VTA1: variants seen among roughly 807,000 people sequenced by gnomAD.
VTA1 encodes the protein vacuolar protein sorting-associated protein VTA1 homolog.
Under a neutral mutation model 36.9 loss-of-function variants are expected in VTA1, and 24 were observed. The observed-to-expected ratio is 0.65, with a 90% CI of 0.47 to 0.91. The LOEUF is 0.91. Ranked by LOEUF, VTA1 falls within the 40% of genes least tolerant of loss-of-function variation. The pLI is 0.00. For synonymous variants in VTA1, 142 were observed against 130.2 expected, an observed-to-expected ratio of 1.09 and a Z score of -0.62; for missense variants, 393 against 377.2, an observed-to-expected ratio of 1.04 and a Z score of -0.35.
intron 4 of VTA1, among the ~76,000 whole-genome samples, chr6:142,181,156 C>T (rs1202227331): frequency 2.6e-5 from 3 of 114,010 alleles, no homozygotes; most frequent in Non-Finnish European, 5.2e-5. Context: ...TTTTTTGATA[C>T]GGAGTCTCGC....
At chr6:142,164,826 T>C (rs1371412722) in intron 1 of VTA1, among the ~76,000 whole-genome samples, 1 of 152,204 alleles carries the variant, frequency 6.6e-6, no homozygotes, top group Non-Finnish European at 1.5e-5. Context: ...CTTTCATTCA[T>C]GTGTTTGTCT....
intron 4 of VTA1, among the ~76,000 whole-genome samples, chr6:142,172,123 G>A (rs1276503550): frequency 6.6e-6 from 1 of 152,106 alleles, no homozygotes; most frequent in African/African-American, 2.4e-5. Flanking sequence ...TGATTCCCCT[G>A]CCTCAGCCTC....
rs556514304 is a variant in VTA1 at position 142,222,527 on chromosome 6, T to C, written c.*3884T>C. On this transcript the variant is annotated 3_prime_UTR_variant, in exon 8 of 8. Coordinates refer to ENST00000367630, the MANE Select transcript of VTA1 (RefSeq NM_016485.5). ...AGAATTTATATATGACTTGTAATTC[T>C]AGAAATTTGAGAATTCTATGTATGC... is the stretch of plus-strand genomic sequence containing the variant. 1 of 152,364 alleles carries C rather than the reference T, an allele frequency of 6.6e-6. No individual in the cohort carries two copies. Among genetic ancestry groups the C allele is most frequent in the African/African-American group, 2.4e-5 (1 of 41,596 alleles). 9.4% of individuals were successfully genotyped at this position (152,364 alleles called of 1,614,324 possible).
In VTA1 at chr6:142,147,922, C is replaced by T. The variant is rs148656038; in HGVS notation, c.112+523C>T. 4.6e-5 allele frequency among the ~76,000 whole-genome samples: 7 copies of T among 152,300 alleles called. No homozygotes were observed. The East Asian group carries it at 1.2e-3, about 25-fold the overall frequency. ...CAGTTGAATTTGACCTTTCCCCACCCAGCTGCTCTCTCCTACCATGCAGAA... is the reference window on the plus strand; with the variant it reads ...CAGTTGAATTTGACCTTTCCCCACCTAGCTGCTCTCTCCTACCATGCAGAA... On this transcript the variant is annotated intron_variant, in intron 1 of 7. Transcript: ENST00000367630.
In VTA1 at chr6:142,161,077, T is replaced by TCCCC. The variant is rs199666023; in HGVS notation, c.113-5151_113-5150insCCCC. 1.8e-3 allele frequency among the ~76,000 whole-genome samples: 162 copies of TCCCC among 90,774 alleles called. 21 individuals carry two copies. Among genetic ancestry groups the TCCCC allele is most frequent in the East Asian group, 5.7e-3 (10 of 1,744 alleles). 59.6% of individuals were successfully genotyped at this position (90,774 alleles called of 152,430 possible). ...CAGGCATTCATTCATGCTTCCTTCC[T>TCCCC]TCCCCCCCCCCCCTTTTTTTGGGTC... On this transcript the variant is annotated intron_variant, in intron 1 of 7. Coordinates refer to ENST00000367630, the MANE Select transcript of VTA1 (RefSeq NM_016485.5).
intron 7 of VTA1, 45 bp from the exon 8 acceptor site, chr6:142,218,453 C>T: frequency 6.3e-7 from 1 of 1,597,518 alleles, no homozygotes; most frequent in Non-Finnish European, 8.5e-7. Flanking sequence ...TTACAGAACA[C>T]TTTTTATATT....
chr6:142,203,731 A>T (rs1285494565), intron 6 of VTA1, among the ~76,000 whole-genome samples: 1 of 152,164 alleles, frequency 6.6e-6, no homozygotes, highest in Non-Finnish European at 1.5e-5. Context: ...ACTTCTACAG[A>T]TATTTGGTAA....
chr6:142,148,631 A>C (rs1435391072), intron 1 of VTA1, among the ~76,000 whole-genome samples: 2 of 152,212 alleles, frequency 1.3e-5, no homozygotes, highest in African/African-American at 4.8e-5. Flanking sequence ...GAGAGTTTCA[A>C]CAATATAGAG....
At chr6:142,179,157 A>G (rs2114654355) in intron 4 of VTA1, among the ~76,000 whole-genome samples, 1 of 152,228 alleles carries the variant, frequency 6.6e-6, no homozygotes, top group South Asian at 2.1e-4. Context: ...TAACACCCCC[A>G]TTAGTCATCG....
chr6:142,210,213 T>C (rs1283725699), intron 7 of VTA1, among the ~76,000 whole-genome samples: 1 of 152,170 alleles, frequency 6.6e-6, no homozygotes, highest in East Asian at 1.9e-4. Context: ...TGGATAACTA[T>C]ATGCAAAAGA....
chr6:142,173,798 T>C (rs1775069293), intron 4 of VTA1, among the ~76,000 whole-genome samples: 1 of 152,190 alleles, frequency 6.6e-6, no homozygotes, highest in South Asian at 2.1e-4. Flanking sequence ...AGAACCATCT[T>C]CCTTAATTTT....
intron 1 of VTA1, among the ~76,000 whole-genome samples, chr6:142,151,908 C>T (rs1778575654): frequency 6.6e-6 from 1 of 152,188 alleles, no homozygotes; most frequent in Non-Finnish European, 1.5e-5. Flanking sequence ...GTGGCAGGTG[C>T]CTGTAATCCC....
Position 142,223,729 on chromosome 6 carries a change from A to T in VTA1, c.*5086A>T, listed in dbSNP as rs920389781. On this transcript the variant is annotated 3_prime_UTR_variant, in exon 8 of 8. Coordinates refer to ENST00000367630, the MANE Select transcript of VTA1 (RefSeq NM_016485.5). ...ATTGAGCATCTACCATCAAATATTT[A>T]ATATGATAATGCCATACTGGATATT... 2 of 152,170 alleles carry T rather than the reference A, an allele frequency of 1.3e-5. No homozygotes were observed. Among genetic ancestry groups the T allele is most frequent in the East Asian group, 3.9e-4 (2 of 5,178 alleles). 9.4% of individuals were successfully genotyped at this position (152,170 alleles called of 1,614,324 possible).
In VTA1 at chr6:142,148,045, A is replaced by T. The variant is rs558856887; in HGVS notation, c.112+646A>T. Among the ~76,000 whole-genome samples, 26 of 152,064 alleles carry T rather than the reference A, an allele frequency of 1.7e-4. No homozygotes were observed. In the South Asian group the frequency reaches 5.4e-3, roughly 32 times the overall value. On this transcript the variant is annotated intron_variant, in intron 1 of 7. Coordinates refer to ENST00000367630, the MANE Select transcript of VTA1 (RefSeq NM_016485.5). ...TATACGTTGAATTTACAGTTTGATT[A>T]AAAAAAATATAGGTTAACTCTGCTC...
intron 4 of VTA1, among the ~76,000 whole-genome samples, chr6:142,184,331 T>C (rs1236728436): frequency 6.6e-6 from 1 of 152,174 alleles, no homozygotes; most frequent in Admixed American, 6.5e-5. Flanking sequence ...TACTTTACTT[T>C]TGTAATGACA....
chr6:142,185,533 T>C (rs1414091395), intron 4 of VTA1, among the ~76,000 whole-genome samples: 1 of 152,226 alleles, frequency 6.6e-6, no homozygotes, highest in Non-Finnish European at 1.5e-5. Flanking sequence ...CAAGTGAACA[T>C]AGAGACTCAA....
Position 142,203,981 on chromosome 6 carries a change from G to T in VTA1, c.698-4G>T, listed in dbSNP as rs1199355747. The T allele has an allele frequency of 1.2e-6, 2 of 1,612,652 alleles. No individual in the cohort carries two copies. Among genetic ancestry groups the T allele is most frequent in the East Asian group, 2.2e-5 (1 of 44,762 alleles). On this transcript the variant is annotated splice_polypyrimidine_tract_variant and splice_region_variant and intron_variant, in intron 6 of 7. Transcript: ENST00000367630. ...ATGCCCATTTTTGCTTTTCTGATTTGCAGGTGTAGCAAGTAATACTATCCA... is the reference window on the plus strand; with the variant it reads ...ATGCCCATTTTTGCTTTTCTGATTTTCAGGTGTAGCAAGTAATACTATCCA...
At chr6:142,153,152 C>G (rs2114628488) in intron 1 of VTA1, among the ~76,000 whole-genome samples, 1 of 152,120 alleles carries the variant, frequency 6.6e-6, no homozygotes, top group East Asian at 1.9e-4. Flanking sequence ...ATGGAATTTA[C>G]AAATTCTTAA....
chr6:142,180,509 A>G (rs1775206686), intron 4 of VTA1, among the ~76,000 whole-genome samples: 1 of 152,186 alleles, frequency 6.6e-6, no homozygotes, highest in African/African-American at 2.4e-5. Context: ...TAGTGATAAA[A>G]TTAAATTATT....
Sources: gnomAD v4.1 joint callset for allele counts (sites outside exome capture counted in the v4.1 genomes callset) on GRCh38, gnomAD v4.1.1 for gene constraint, MANE v1.5 for transcripts, NCBI Gene and HGNC (gene_info 2026-07-23, HGNC 2026-07-21) for gene names.